Variants in ATRNL1 observed in about 807,000 individuals in gnomAD.
ATRNL1 encodes attractin like 1, also known as attractin-like protein 1.
Under a neutral mutation model 182.7 loss-of-function variants are expected in ATRNL1, and 95 were observed. The observed-to-expected ratio is 0.52, with a 90% confidence interval of 0.44 to 0.62. The LOEUF (loss-of-function observed/expected upper bound fraction) is 0.62, where lower values mean the gene tolerates loss of function less well. ATRNL1 is among the 20% of genes least tolerant of loss of function. The probability of loss-of-function intolerance (pLI) is 0.00; values close to 1 mark genes in which losing one functional copy is unlikely to be tolerated. For missense variants in ATRNL1, 1,471 were observed against 1,679.5 expected (o/e 0.88, Z 2.17); for synonymous variants, 576 against 568.3 (o/e 1.01, Z -0.19).
chr10:115,205,940 G>T (rs1299947153), intron 8 of ATRNL1, among the ~76,000 whole-genome samples: 1 of 152,010 alleles, frequency 6.6e-6, no homozygotes, highest in Non-Finnish European at 1.5e-5. Flanking sequence ...CTCATTCCAA[G>T]TTGCCTTCTG....
chr10:115,513,479 A>G (rs567380771), intron 24 of ATRNL1, among the ~76,000 whole-genome samples: 2 of 151,964 alleles, frequency 1.3e-5, no homozygotes, highest in African/African-American at 2.4e-5. Flanking sequence ...GAATTTTTTC[A>G]CTGCTAGCTT....
chr10:115,546,627 A>T (rs1167961608), intron 25 of ATRNL1, among the ~76,000 whole-genome samples: 1 of 152,024 alleles, frequency 6.6e-6, no homozygotes, highest in Non-Finnish European at 1.5e-5. Flanking sequence ...AACCACTATG[A>T]TAATAATTCA....
At chr10:115,919,501 G>T (rs1555118159) in intron 28 of ATRNL1, among the ~76,000 whole-genome samples, 1 of 152,038 alleles carries the variant, frequency 6.6e-6, no homozygotes, top group East Asian at 1.9e-4. Flanking sequence ...ATCAAAAACT[G>T]CAAAATTTAA....
At chr10:115,726,647 C>A (rs946344245) in intron 26 of ATRNL1, among the ~76,000 whole-genome samples, 2 of 152,182 alleles carry the variant, frequency 1.3e-5, no homozygotes, top group South Asian at 2.1e-4. Context: ...AATTTCTGCA[C>A]CTTACTAATC....
chr10:115,229,173 A>G (rs1346034002), intron 9 of ATRNL1, among the ~76,000 whole-genome samples: 1 of 152,072 alleles, frequency 6.6e-6, no homozygotes, highest in African/African-American at 2.4e-5. Flanking sequence ...CTTTCTAATC[A>G]CATATACTTA....
chr10:115,319,360 T>G (rs1854466728), intron 18 of ATRNL1, among the ~76,000 whole-genome samples: 1 of 152,234 alleles, frequency 6.6e-6, no homozygotes, highest in Non-Finnish European at 1.5e-5. Flanking sequence ...TAATGTATAT[T>G]CTGTTGATTT....
At chr10:115,511,462 C>T (rs1329598717) in intron 24 of ATRNL1, among the ~76,000 whole-genome samples, 4 of 151,820 alleles carry the variant, frequency 2.6e-5, no homozygotes, top group African/African-American at 4.8e-5. Flanking sequence ...CCCTTCAGTT[C>T]GTTAGATGAA....
chr10:115,911,693 G>A lies in ATRNL1; in HGVS notation c.4019-32965G>A, dbSNP rs548548559. 4.6e-5 allele frequency among the ~76,000 whole-genome samples: 7 copies of A among 152,262 alleles called. No individual in the cohort carries two copies. The East Asian group carries it at 5.8e-4, about 13-fold the overall frequency. On this transcript the variant is annotated intron_variant, in intron 28 of 28. Coordinates refer to ENST00000355044, the MANE Select transcript of ATRNL1 (RefSeq NM_207303.4). ...TTGACTTATCTAAAGTTACAGAGCC[G>A]GTGGGCGTGGCAGTCAGGAGAGAAG...
At chr10:115,700,312 G>A (rs1555051122) in intron 26 of ATRNL1, among the ~76,000 whole-genome samples, 1 of 152,038 alleles carries the variant, frequency 6.6e-6, no homozygotes, top group Non-Finnish European at 1.5e-5. Flanking sequence ...GCAACACTGT[G>A]TAAGTGTTTC....
chr10:115,904,042 T>C (rs1435496972), intron 28 of ATRNL1, among the ~76,000 whole-genome samples: 1 of 152,030 alleles, frequency 6.6e-6, no homozygotes, highest in Non-Finnish European at 1.5e-5. Flanking sequence ...AAGAGGTAAG[T>C]CTGGCACCTG....
intron 15 of ATRNL1, among the ~76,000 whole-genome samples, chr10:115,298,889 T>C (rs1853333396): frequency 6.6e-6 from 1 of 152,048 alleles, no homozygotes; most frequent in Non-Finnish European, 1.5e-5. Flanking sequence ...CCAAGAAACA[T>C]TTGTTGAGTG....
chr10:115,182,164 G>A (rs1847773884), intron 8 of ATRNL1, among the ~76,000 whole-genome samples: 1 of 151,508 alleles, frequency 6.6e-6, no homozygotes, highest in African/African-American at 2.4e-5. Context: ...TTTGCAAAAG[G>A]TAGTTTTTGA....
Position 115,426,231 on chromosome 10 carries a change from A to T in ATRNL1, c.3270-19A>T. The T allele has an allele frequency of 6.2e-7, 1 of 1,608,102 alleles. No homozygotes were observed. The highest frequency in any genetic ancestry group is 8.5e-7 in the Non-Finnish European group (1 of 1,175,588). On this transcript the variant is annotated intron_variant, in intron 20 of 28. Coordinates refer to ENST00000355044, the MANE Select transcript of ATRNL1 (RefSeq NM_207303.4). ...GAATTGCATTGTTTAATAGTAAATG[A>T]GTTTTTGTGTTTCTGCAGATGTGAC...
intron 26 of ATRNL1, among the ~76,000 whole-genome samples, chr10:115,558,221 G>A (rs1853443217): frequency 6.6e-6 from 1 of 152,156 alleles, no homozygotes; most frequent in Non-Finnish European, 1.5e-5. Context: ...AGTAGCAGAG[G>A]AATGAAATGC....
At chr10:115,868,819 A>ATTTTTTTTTTTT (rs1555105343) in intron 28 of ATRNL1, among the ~76,000 whole-genome samples, 56 of 98,246 alleles carry the variant, frequency 5.7e-4, no homozygotes, top group East Asian at 8.7e-4. Flanking sequence ...GCAAGTCTTT[A>ATTTTTTTTTTTT]TTCTTTTTTT....
At chr10:115,671,206 G>T (rs1945687234) in intron 26 of ATRNL1, among the ~76,000 whole-genome samples, 1 of 152,046 alleles carries the variant, frequency 6.6e-6, no homozygotes, top group African/African-American at 2.4e-5. Context: ...TCTTCTTTTT[G>T]CCCAAAGCCT....
intron 26 of ATRNL1, among the ~76,000 whole-genome samples, chr10:115,701,467 A>C (rs944491691): frequency 6.6e-6 from 1 of 152,042 alleles, no homozygotes; most frequent in Admixed American, 6.6e-5. Flanking sequence ...ATAGCTGAAT[A>C]AAGTTGAGAC....
intron 26 of ATRNL1, among the ~76,000 whole-genome samples, chr10:115,651,669 T>C (rs1050660678): frequency 6.6e-6 from 1 of 152,174 alleles, no homozygotes; most frequent in Non-Finnish European, 1.5e-5. Context: ...CTAATACAGC[T>C]TACGAGAAAT....
At chr10:115,338,733 G>A (rs1162711307) in intron 19 of ATRNL1, among the ~76,000 whole-genome samples, 1 of 152,092 alleles carries the variant, frequency 6.6e-6, no homozygotes, top group African/African-American at 2.4e-5. Context: ...TTAACTTGTT[G>A]TAATCCCATT....
Sources: gnomAD v4.1 joint callset for allele counts (sites outside exome capture counted in the v4.1 genomes callset) on GRCh38, gnomAD v4.1.1 for gene constraint, MANE v1.5 for transcripts, NCBI Gene and HGNC (gene_info 2026-07-23, HGNC 2026-07-21) for gene names.